DNAH3: variants seen among roughly 807,000 people sequenced by gnomAD.
DNAH3 encodes axonemal beta dynein heavy chain 3.
A neutral mutation model predicts 432.5 loss-of-function variants in DNAH3; 332 were observed. That is an observed-to-expected ratio of 0.77 (90% CI 0.70 to 0.84). DNAH3 has a LOEUF of 0.84. Among genes scored for constraint, DNAH3 ranks in the 40% least tolerant of loss-of-function variants. DNAH3 has a pLI of 0.00. For synonymous variants in DNAH3, 1,956 were observed against 1,900.2 expected (o/e 1.03, Z -0.76); for missense variants, 4,861 against 5,114.0 (o/e 0.95, Z 1.51).
At chr16:20,999,739 A>G (rs1314339051) in intron 43 of DNAH3, among the ~76,000 whole-genome samples, 1 of 152,158 alleles carries the variant, frequency 6.6e-6, no homozygotes, top group African/African-American at 2.4e-5. Flanking sequence ...AAGTGAGGAA[A>G]CGCTTTGTAA....
chr16:20,993,357 T>C (rs2086635943), intron 44 of DNAH3, among the ~76,000 whole-genome samples: 1 of 152,196 alleles, frequency 6.6e-6, no homozygotes, highest in African/African-American at 2.4e-5. Context: ...AACCATATAT[T>C]TAATGCTTAC....
chr16:21,157,728 G>A (rs2092908525), intron 1 of DNAH3, among the ~76,000 whole-genome samples: 1 of 152,144 alleles, frequency 6.6e-6, no homozygotes, highest in Non-Finnish European at 1.5e-5. Flanking sequence ...AAGTGGCTGA[G>A]AACTGTGCAA....
At chr16:21,075,914 CAAAAAAAAA>C (rs34186982) in intron 20 of DNAH3, among the ~76,000 whole-genome samples, 7 of 52,684 alleles carry the variant, frequency 1.3e-4, no homozygotes, top group Non-Finnish European at 1.6e-4. Context: ...AACCCTGTCT[CAAAAAAAAA>C]AAAAAAAAAA....
exon 48 of DNAH3, chr16:20,985,651 C>T (rs1432005571): frequency 6.2e-7 from 1 of 1,614,210 alleles, no homozygotes; most frequent in Non-Finnish European, 8.5e-7. Context: ...GAAATAATCT[C>T]CAAAGAAGAG....
At chr16:21,159,288 G>A in intron 1 of DNAH3, 2 of 1,560,014 alleles carry the variant, frequency 1.3e-6, no homozygotes, top group Non-Finnish European at 1.8e-6. Flanking sequence ...CCATTATTCA[G>A]TCTCTGTGCC....
At chr16:21,012,956 G>A (rs2087677510) in intron 41 of DNAH3, among the ~76,000 whole-genome samples, 1 of 151,878 alleles carries the variant, frequency 6.6e-6, no homozygotes, top group East Asian at 1.9e-4. Context: ...TGTAAAGACG[G>A]GATTTTGACA....
intron 53 of DNAH3, among the ~76,000 whole-genome samples, chr16:20,960,554 C>G (rs1159799558): frequency 6.6e-6 from 1 of 152,144 alleles, no homozygotes; most frequent in Non-Finnish European, 1.5e-5. Flanking sequence ...GGCTAATTAA[C>G]TAATTAGCTG....
chr16:21,053,183 CAG>C (rs1286434403), intron 28 of DNAH3, among the ~76,000 whole-genome samples: 1 of 152,258 alleles, frequency 6.6e-6, no homozygotes, highest in Middle Eastern at 3.4e-3. Context: ...CTCTCTGTGA[CAG>C]AGTCTTCTTT....
exon 60 of DNAH3, chr16:20,936,780 C>T (rs1342844877): frequency 3.7e-6 from 6 of 1,613,576 alleles, no homozygotes; most frequent in Non-Finnish European, 5.1e-6. Flanking sequence ...TCCTCTAGCT[C>T]CGAGGACATC....
intron 44 of DNAH3, 182 bp downstream of exon 44, chr16:20,997,101 C>T (rs953241515): frequency 1.6e-5 from 9 of 578,608 alleles, no homozygotes; most frequent in African/African-American, 3.7e-5. Context: ...TTCTTGCCAT[C>T]GTCCCCTTCT....
chr16:20,985,869 GT>G (rs2086168602), intron 47 of DNAH3, among the ~76,000 whole-genome samples, 154 bp from the exon 48 acceptor site: 1 of 151,838 alleles, frequency 6.6e-6, no homozygotes, highest in Admixed American at 6.6e-5. Context: ...GTTTCGTTTT[GT>G]TTTGAGACAG....
chr16:21,102,243 C>A (rs1567794020), intron 16 of DNAH3, among the ~76,000 whole-genome samples: 1 of 152,140 alleles, frequency 6.6e-6, no homozygotes, highest in Non-Finnish European at 1.5e-5. Flanking sequence ...GAGAGTCACC[C>A]CTCAGAAGGA....
chr16:20,981,060 A>G (rs2085874926), intron 49 of DNAH3, among the ~76,000 whole-genome samples: 1 of 152,186 alleles, frequency 6.6e-6, no homozygotes, highest in Non-Finnish European at 1.5e-5. Context: ...ATTAAATAAC[A>G]AGAGTGGGCA....
chr16:21,062,073 G>C (rs1378798132), intron 25 of DNAH3, among the ~76,000 whole-genome samples: 1 of 152,170 alleles, frequency 6.6e-6, no homozygotes, highest in African/African-American at 2.4e-5. Context: ...CCTGAGTTAA[G>C]TTGCATTATA....
chr16:21,125,753 G>C (rs1375602903), intron 8 of DNAH3, among the ~76,000 whole-genome samples: 2 of 152,130 alleles, frequency 1.3e-5, no homozygotes, highest in African/African-American at 2.4e-5. Context: ...AAACTTCATA[G>C]GGGGAAAGAG....
chr16:21,076,411 G>A (rs2090976670), intron 20 of DNAH3, among the ~76,000 whole-genome samples: 1 of 152,154 alleles, frequency 6.6e-6, no homozygotes, highest in African/African-American at 2.4e-5. Flanking sequence ...ATAAATTTCT[G>A]TTGTGTAAGC....
At chr16:21,062,629 G>A (rs757989326) in exon 25 of DNAH3, 12 of 1,613,986 alleles carry the variant, frequency 7.4e-6, no homozygotes, top group Non-Finnish European at 9.3e-6. Context: ...CTCGGAGAGG[G>A]TCCTTTGTCT....
chr16:21,048,099 T>G (rs2089789275), intron 31 of DNAH3, among the ~76,000 whole-genome samples: 1 of 152,254 alleles, frequency 6.6e-6, no homozygotes, highest in African/African-American at 2.4e-5. Flanking sequence ...CAGGGACATT[T>G]AAGTCTGCAG....
chr16:21,060,219 T>G (rs1240889134), intron 26 of DNAH3, 45 bp downstream of exon 26: 2 of 1,475,794 alleles, frequency 1.4e-6, no homozygotes, highest in Non-Finnish European at 1.9e-6. Flanking sequence ...AATGTTCTCT[T>G]TAGTGCACTA....
Sources: allele counts gnomAD v4.1 joint callset (sites outside exome capture counted in the v4.1 genomes callset), GRCh38; gene constraint gnomAD v4.1.1; transcripts MANE v1.5; gene names NCBI Gene and HGNC (gene_info 2026-07-23, HGNC 2026-07-21).